Variants in EPC1 observed in about 807,000 individuals in gnomAD.
The protein encoded by EPC1 is enhancer of polycomb homolog 1.
Under a neutral mutation model 98.4 loss-of-function variants are expected in EPC1, and 12 were observed. That is an observed-to-expected ratio of 0.12 (90% confidence interval 0.08 to 0.20). The LOEUF (loss-of-function observed/expected upper bound fraction) is 0.20. EPC1 is among the 10% of genes least tolerant of loss of function. The pLI is 1.00. For missense variants in EPC1, 729 were observed against 990.5 expected (o/e 0.74, Z 3.54); for synonymous variants, 357 against 363.9 (o/e 0.98, Z 0.21).
chr10:32,279,982 C>A (rs1836315294), intron 10 of EPC1, among the ~76,000 whole-genome samples: 1 of 152,104 alleles, frequency 6.6e-6, no homozygotes, highest in Non-Finnish European at 1.5e-5. Flanking sequence ...GAGGACCAAG[C>A]ACTCAACACA....
intron 1 of EPC1, among the ~76,000 whole-genome samples, chr10:32,357,103 T>C (rs1839301994): frequency 6.6e-6 from 1 of 152,234 alleles, no homozygotes; most frequent in South Asian, 2.1e-4. Context: ...CAAAAATCAG[T>C]TAAGCTTCAG....
At chr10:32,368,251 T>C (rs754200550) in intron 1 of EPC1, among the ~76,000 whole-genome samples, 7 of 152,242 alleles carry the variant, frequency 4.6e-5, no homozygotes, top group Non-Finnish European at 1.0e-4. Context: ...GCCTGATTTC[T>C]AGGTTCCCCA....
intron 1 of EPC1, among the ~76,000 whole-genome samples, chr10:32,353,837 TTTCTC>T (rs1839194669): frequency 6.6e-6 from 1 of 152,238 alleles, no homozygotes; most frequent in African/African-American, 2.4e-5. Context: ...TTTCTAATCA[TTTCTC>T]TTAACTTCCT....
intron 1 of EPC1, among the ~76,000 whole-genome samples, chr10:32,323,242 G>C (rs1210741332): frequency 6.6e-6 from 1 of 151,762 alleles, no homozygotes; most frequent in South Asian, 2.1e-4. Context: ...CCTAAGTTTC[G>C]CCAAAACCAC....
intron 1 of EPC1, among the ~76,000 whole-genome samples, chr10:32,306,225 C>T (rs1037717593): frequency 9.9e-5 from 15 of 152,072 alleles, no homozygotes; most frequent in South Asian, 2.1e-4. Context: ...TTGCATTTTA[C>T]GGATGAGACG....
intron 2 of EPC1, among the ~76,000 whole-genome samples, chr10:32,300,726 G>A (rs1034770607): frequency 2.6e-5 from 4 of 152,116 alleles, no homozygotes; most frequent in Admixed American, 6.5e-5. Flanking sequence ...GAGCCACCGC[G>A]TCCCGCCGAT....
intron 1 of EPC1, among the ~76,000 whole-genome samples, chr10:32,309,834 C>A (rs896415690): frequency 1.3e-5 from 2 of 150,460 alleles, no homozygotes; most frequent in African/African-American, 2.5e-5. Flanking sequence ...AAAATTAATT[C>A]TTTAGGTATA....
chr10:32,352,049 T>C (rs1839128231), upstream of EPC1, among the ~76,000 whole-genome samples: 2 of 140,984 alleles, frequency 1.4e-5, no homozygotes, highest in African/African-American at 5.7e-5. Context: ...TTGATTTTTT[T>C]TTTTTTTTTT....
chr10:32,356,091 T>C (rs988436907), intron 1 of EPC1, among the ~76,000 whole-genome samples: 2 of 152,078 alleles, frequency 1.3e-5, no homozygotes, highest in African/African-American at 4.8e-5. Context: ...AATTTATTAG[T>C]GGGTGGTAGA....
At chr10:32,299,050 A>C (rs1476490970) in intron 2 of EPC1, among the ~76,000 whole-genome samples, 2 of 152,198 alleles carry the variant, frequency 1.3e-5, no homozygotes, top group Non-Finnish European at 2.9e-5. Flanking sequence ...AGATTCAGCT[A>C]TTGTTAAATT....
chr10:32,277,093 A>C (rs2132658063), intron 10 of EPC1, among the ~76,000 whole-genome samples: 1 of 152,338 alleles, frequency 6.6e-6, no homozygotes, highest in Middle Eastern at 3.4e-3. Flanking sequence ...TGAGATTTTA[A>C]ATTGAAAAAT....
chr10:32,328,147 C>T (rs1837416119), intron 1 of EPC1, among the ~76,000 whole-genome samples: 1 of 152,146 alleles, frequency 6.6e-6, no homozygotes, highest in African/African-American at 2.4e-5. Flanking sequence ...AGTATCAAAT[C>T]AAATCAAGAG....
intron 10 of EPC1, among the ~76,000 whole-genome samples, chr10:32,274,661 T>G (rs1032437926): frequency 6.6e-6 from 1 of 152,168 alleles, no homozygotes; most frequent in Non-Finnish European, 1.5e-5. Flanking sequence ...AGTTGATATC[T>G]TCCCTTTGAT....
At chr10:32,325,245 A>G (rs35451732) in intron 1 of EPC1, among the ~76,000 whole-genome samples, 44,322 of 152,080 alleles carry the variant, frequency 0.29, 6,615 homozygotes, top group South Asian at 0.39. Context: ...TTAAAAAAGA[A>G]AAGTGTGTAT....
chr10:32,340,410 A>C (rs985036826), intron 1 of EPC1, among the ~76,000 whole-genome samples: 5 of 152,266 alleles, frequency 3.3e-5, no homozygotes, highest in Non-Finnish European at 7.3e-5. Context: ...AGTGTCCACT[A>C]TATTTAAAAT....
intron 1 of EPC1, chr10:32,345,081 G>A (rs769382811): frequency 1.1e-6 from 1 of 905,986 alleles, no homozygotes; most frequent in South Asian, 5.1e-5. Context: ...GTAAAACTTA[G>A]AAATAAAAAT....
chr10:32,289,347 G>GAA, intron 6 of EPC1, among the ~76,000 whole-genome samples: 1 of 145,156 alleles, frequency 6.9e-6, no homozygotes, highest in South Asian at 2.2e-4. Flanking sequence ...AACAAAGTGG[G>GAA]AAAAAAAAAA....
At chr10:32,313,184 T>C (rs867358972) in intron 1 of EPC1, among the ~76,000 whole-genome samples, 2 of 152,150 alleles carry the variant, frequency 1.3e-5, no homozygotes, top group Non-Finnish European at 2.9e-5. Flanking sequence ...TTTTCAGAAA[T>C]TATCCACTAA....
intron 1 of EPC1, among the ~76,000 whole-genome samples, chr10:32,311,053 G>A (rs2132848942): frequency 6.6e-6 from 1 of 152,296 alleles, no homozygotes; most frequent in East Asian, 1.9e-4. Context: ...GCTCACGCCT[G>A]TAATCCCAGC....
Sources: gnomAD v4.1 joint callset for allele counts (sites outside exome capture counted in the v4.1 genomes callset) on GRCh38, gnomAD v4.1.1 for gene constraint, MANE v1.5 for transcripts, NCBI Gene and HGNC (gene_info 2026-07-23, HGNC 2026-07-21) for gene names.